Variants in IPO11 observed in about 807,000 individuals in gnomAD.
The protein encoded by IPO11 is importin 11.
A neutral mutation model predicts 143.2 loss-of-function variants in IPO11; 66 were observed. The observed-to-expected ratio is 0.46, with a 90% CI of 0.38 to 0.57. The LOEUF (loss-of-function observed/expected upper bound fraction) is 0.57. IPO11 is among the 20% of genes least tolerant of loss of function. The pLI is 0.00. For missense variants in IPO11, 1,026 were observed against 1,141.0 expected (o/e 0.90, Z 1.45); for synonymous variants, 385 against 377.8 (o/e 1.02, Z -0.22).
intron 5 of IPO11, among the ~76,000 whole-genome samples, chr5:62,457,930 C>T (rs553561564): frequency 1.3e-5 from 2 of 152,172 alleles, no homozygotes; most frequent in South Asian, 2.1e-4. Flanking sequence ...GGGCGGATCA[C>T]GAGGTCAGGA....
At chr5:62,591,927 G>A (rs577553992) in intron 28 of IPO11, among the ~76,000 whole-genome samples, 3 of 152,116 alleles carry the variant, frequency 2.0e-5, no homozygotes, top group Admixed American at 6.6e-5. Context: ...TCAGCTAACC[G>A]CAACCTCCGC....
At chr5:62,421,517 A>T (rs1743514284) in intron 1 of IPO11, among the ~76,000 whole-genome samples, 1 of 152,212 alleles carries the variant, frequency 6.6e-6, no homozygotes, top group Admixed American at 6.5e-5. Context: ...TTTCGGGAGT[A>T]CTGGGTGGGG....
intron 11 of IPO11, among the ~76,000 whole-genome samples, chr5:62,484,923 T>G (rs549509713): frequency 1.3e-5 from 2 of 151,990 alleles, no homozygotes; most frequent in African/African-American, 4.8e-5. Flanking sequence ...TTGAAACATC[T>G]TTTTTCAATT....
intron 5 of IPO11, 33 bp from the exon 6 acceptor site, chr5:62,467,098 A>T: frequency 6.3e-7 from 1 of 1,588,334 alleles, no homozygotes; most frequent in Non-Finnish European, 8.6e-7. Flanking sequence ...TGTATAATAC[A>T]CTATGAATAA....
intron 29 of IPO11, among the ~76,000 whole-genome samples, chr5:62,613,267 C>T (rs774541618): frequency 3.4e-5 from 5 of 146,662 alleles, no homozygotes; most frequent in Non-Finnish European, 7.5e-5. Flanking sequence ...CAAGAATAGC[C>T]ATAATAATAT....
chr5:62,483,082 T>C lies in IPO11; in HGVS notation c.829-19T>C, dbSNP rs369750916. ...TGGGGAAAATACATTTTAATTTTTA[T>C]TTATTTATTTTTCTACAGCTTTTGG... On this transcript the variant is annotated intron_variant, in intron 9 of 29. Coordinates refer to ENST00000325324, the MANE Select transcript of IPO11 (RefSeq NM_016338.5). 3.3e-5 allele frequency: 47 copies of C among 1,435,018 alleles called. No homozygotes were observed. The highest frequency in any genetic ancestry group is 6.1e-5 in the Admixed American group (3 of 49,298). The allele number at this position is 1,435,018 out of a possible 1,614,324, so 88.9% of individuals were successfully genotyped here.
At chr5:62,530,648 C>A in intron 21 of IPO11, 61 bp from the exon 22 acceptor site, 5 of 971,506 alleles carry the variant, frequency 5.1e-6, no homozygotes, top group South Asian at 4.1e-5. Flanking sequence ...ATATTTAAGT[C>A]ATATGTTAAT....
chr5:62,621,116 T>TTGA (rs966100318), intron 29 of IPO11, among the ~76,000 whole-genome samples: 1 of 152,018 alleles, frequency 6.6e-6, no homozygotes, highest in African/African-American at 2.4e-5. Context: ...GTAAAAGAGT[T>TTGA]TGATGATGAT....
At chr5:62,417,321 ATTT>A (rs34767317) in intron 1 of IPO11, among the ~76,000 whole-genome samples, 5 of 65,354 alleles carry the variant, frequency 7.7e-5, no homozygotes, top group South Asian at 5.0e-4. Flanking sequence ...TTATTGGTTA[ATTT>A]TTTTTTTTTT....
chr5:62,513,807 C>T (rs1468246355), intron 19 of IPO11, among the ~76,000 whole-genome samples: 2 of 150,434 alleles, frequency 1.3e-5, no homozygotes. Flanking sequence ...GGGTGGCAGC[C>T]AGGCGGAGGG....
chr5:62,528,070 G>T (rs1742422624), intron 21 of IPO11, among the ~76,000 whole-genome samples: 1 of 152,200 alleles, frequency 6.6e-6, no homozygotes, highest in Non-Finnish European at 1.5e-5. Context: ...GATAATTAAA[G>T]ATTGCCTAAG....
intron 5 of IPO11, among the ~76,000 whole-genome samples, chr5:62,464,224 T>A (rs35013): frequency 0.69 from 100,274 of 144,800 alleles, 35,008 homozygotes; most frequent in African/African-American, 0.78. Flanking sequence ...ATCTCTGCTC[T>A]CTGCAACTTC....
At chr5:62,419,290 G>A (rs1440138534) in intron 1 of IPO11, among the ~76,000 whole-genome samples, 2 of 152,194 alleles carry the variant, frequency 1.3e-5, no homozygotes, top group African/African-American at 2.4e-5. Context: ...GTGAGTGAAA[G>A]TGAAGGCCTA....
At chr5:62,598,419 TC>T (rs1561380542) in intron 28 of IPO11, among the ~76,000 whole-genome samples, 24,116 of 43,106 alleles carry the variant, frequency 0.56, 8,173 homozygotes, top group South Asian at 0.63. Flanking sequence ...TTTCTTTCTT[TC>T]TTTCTTTCTT....
chr5:62,439,860 G>A (rs1447730271), intron 2 of IPO11, among the ~76,000 whole-genome samples: 1 of 152,102 alleles, frequency 6.6e-6, no homozygotes, highest in African/African-American at 2.4e-5. Context: ...CTAGTCAGGA[G>A]ACTCCTGTAT....
intron 29 of IPO11, among the ~76,000 whole-genome samples, chr5:62,603,579 A>G (rs1745586553): frequency 6.6e-6 from 1 of 152,232 alleles, no homozygotes; most frequent in African/African-American, 2.4e-5. Flanking sequence ...ACAGGACACC[A>G]TTTCCTGACA....
intron 27 of IPO11, among the ~76,000 whole-genome samples, chr5:62,584,751 T>G (rs953421062): frequency 5.8e-4 from 68 of 117,132 alleles, no homozygotes; most frequent in African/African-American, 2.0e-3. Context: ...TTTGTTTTTG[T>G]TTTTTTTTTT....
intron 27 of IPO11, among the ~76,000 whole-genome samples, chr5:62,578,110 T>G (rs1744389469): frequency 6.6e-6 from 1 of 152,080 alleles, no homozygotes; most frequent in African/African-American, 2.4e-5. Context: ...TCTCCCCAAT[T>G]TTTCTTGCAA....
At position 62,491,842 on chromosome 5, in the gene IPO11, A is replaced by AT. The variant is rs559444259; in HGVS notation, c.1463+1631dup. ...CACCATGCCCGGCTAATTTTTTTGT[A>AT]TTTTTTTTTAGTAGAGACGAGGTTT... On this transcript the variant is annotated intron_variant, in intron 15 of 29. Transcript: ENST00000325324. Among the ~76,000 whole-genome samples, 406 of 149,182 alleles carry AT rather than the reference A, an allele frequency of 2.7e-3. 6 individuals carry two copies. Among genetic ancestry groups the AT allele is most frequent in the Admixed American group, 0.022 (324 of 15,006 alleles).
Sources: gnomAD v4.1 joint callset for allele counts (sites outside exome capture counted in the v4.1 genomes callset) on GRCh38, gnomAD v4.1.1 for gene constraint, MANE v1.5 for transcripts, NCBI Gene and HGNC (gene_info 2026-07-23, HGNC 2026-07-21) for gene names.